The following PDZD8 variants were observed in gnomAD, a reference collection of about 807,000 sequenced individuals.
The protein encoded by PDZD8 is PDZ domain-containing protein 8.
In PDZD8, 14 loss-of-function variants were observed where a neutral mutation model predicts 85.8. That is an observed-to-expected ratio of 0.16 (90% CI 0.11 to 0.26). PDZD8 has a LOEUF of 0.26. Among genes scored for constraint, PDZD8 ranks in the 10% least tolerant of loss-of-function variants. The pLI is 1.00. For missense variants in PDZD8, 1,197 were observed against 1,424.3 expected (o/e 0.84, Z 2.57); for synonymous variants, 592 against 568.6 (o/e 1.04, Z -0.59).
chr10:117,307,320 G>C (rs940220233), intron 3 of PDZD8, among the ~76,000 whole-genome samples: 2 of 151,922 alleles, frequency 1.3e-5, no homozygotes, highest in Admixed American at 1.3e-4. Flanking sequence ...GGTTGATTTT[G>C]TTAAAATATG....
intron 1 of PDZD8, among the ~76,000 whole-genome samples, chr10:117,343,536 G>A (rs1281617482): frequency 2.0e-5 from 3 of 148,984 alleles, no homozygotes; most frequent in Non-Finnish European, 4.5e-5. Flanking sequence ...CTGTTAGTTT[G>A]TAAAAAAATT....
rs142017657 is a variant in PDZD8 at position 117,349,363 on chromosome 10, A to C, written c.873-8261T>G. ...AAAAAATATTGCTTTGAATGGCACCAAGGTAACGAAACTGGAATATAGAGA... is the reference window on the plus strand; with the variant it reads ...AAAAAATATTGCTTTGAATGGCACCCAGGTAACGAAACTGGAATATAGAGA... On this transcript the variant is annotated intron_variant, in intron 1 of 4. Transcript: ENST00000334464. 2.9e-3 allele frequency among the ~76,000 whole-genome samples: 445 copies of C among 152,356 alleles called. 3 individuals carry two copies. The highest frequency in any genetic ancestry group is 0.01 in the African/African-American group (418 of 41,584).
intron 2 of PDZD8, among the ~76,000 whole-genome samples, chr10:117,336,967 T>C (rs1405800346): frequency 6.6e-6 from 1 of 151,928 alleles, no homozygotes; most frequent in African/African-American, 2.4e-5. Flanking sequence ...TGGGCGCCTG[T>C]AGTCCCAGCT....
intron 3 of PDZD8, among the ~76,000 whole-genome samples, chr10:117,313,196 C>G (rs1004089440): frequency 5.3e-5 from 8 of 152,146 alleles, no homozygotes; most frequent in Non-Finnish European, 1.0e-4. Context: ...ATGGTACCCA[C>G]TAGTCACATG....
At chr10:117,313,264 T>C (rs1014083101) in intron 3 of PDZD8, among the ~76,000 whole-genome samples, 2 of 152,284 alleles carry the variant, frequency 1.3e-5, no homozygotes, top group South Asian at 4.1e-4. Context: ...GTAAAATATA[T>C]ACCAGATTTC....
At chr10:117,343,239 G>C (rs1844646964) in intron 1 of PDZD8, among the ~76,000 whole-genome samples, 1 of 152,150 alleles carries the variant, frequency 6.6e-6, no homozygotes, top group Non-Finnish European at 1.5e-5. Context: ...GCTGTTTTAT[G>C]TTTTCCCAGT....
intron 1 of PDZD8, among the ~76,000 whole-genome samples, chr10:117,345,681 A>C (rs1844693177): frequency 6.6e-6 from 1 of 152,180 alleles, no homozygotes; most frequent in Non-Finnish European, 1.5e-5. Context: ...TACAGCAAAA[A>C]ACAAAGAAAA....
intron 4 of PDZD8, among the ~76,000 whole-genome samples, chr10:117,288,407 A>C (rs1305088484): frequency 6.6e-6 from 1 of 152,102 alleles, no homozygotes; most frequent in African/African-American, 2.4e-5. Flanking sequence ...CAAACAAAAA[A>C]ACAAAAAAAG....
rs1844593940 is a variant in PDZD8, at chr10:117,283,051, C to A, written c.*217G>T. On this transcript the variant is annotated 3_prime_UTR_variant, in exon 5 of 5. Transcript: ENST00000334464. ...AGTAAAAATAAATTCCCAGTATAAACCCAAAAAAGCATAGCTATAAATGCA... is the reference window on the plus strand; with the variant it reads ...AGTAAAAATAAATTCCCAGTATAAAACCAAAAAAGCATAGCTATAAATGCA... 4.3e-6 allele frequency: 2 copies of A among 467,500 alleles called. No homozygotes were observed. Among genetic ancestry groups the A allele is most frequent in the Non-Finnish European group, 7.4e-6 (2 of 269,090 alleles). The allele number at this position is 467,500 out of a possible 1,614,324, so 29.0% of individuals were successfully genotyped here.
chr10:117,302,106 AG>A (rs1254080469), intron 3 of PDZD8, among the ~76,000 whole-genome samples: 2 of 152,238 alleles, frequency 1.3e-5, no homozygotes, highest in African/African-American at 4.8e-5. Context: ...GAGCTTCTGA[AG>A]GGTCCTTCTG....
At chr10:117,373,783 A>C (rs905407264) in intron 1 of PDZD8, among the ~76,000 whole-genome samples, 1 of 91,062 alleles carries the variant, frequency 1.1e-5, no homozygotes, top group African/African-American at 5.8e-5. Flanking sequence ...CTGTCTCAAA[A>C]ACAAAAACAA....
chr10:117,327,223 A>G (rs1844333373), intron 2 of PDZD8, among the ~76,000 whole-genome samples: 1 of 152,176 alleles, frequency 6.6e-6, no homozygotes, highest in Non-Finnish European at 1.5e-5. Flanking sequence ...CTAATGCCCT[A>G]AGTTTTGGTC....
Position 117,277,337 on chromosome 10 carries a change from A to G in PDZD8, c.*5931T>C. The G allele has an allele frequency of 1.1e-6, 1 of 928,674 alleles. No individual in the cohort carries two copies. The highest frequency in any genetic ancestry group is 1.7e-6 in the Non-Finnish European group (1 of 593,534). 57.5% of individuals were successfully genotyped at this position (928,674 alleles called of 1,614,324 possible). ...GTGTTTCCAGTGACACAACTCATCC[A>G]GAACTGTCTTAGTCATACCATCCAT... is the stretch of plus-strand genomic sequence containing the variant. On this transcript the variant is annotated 3_prime_UTR_variant, in exon 5 of 5. Transcript: ENST00000334464.
At chr10:117,315,093 T>C (rs571016386) in intron 3 of PDZD8, among the ~76,000 whole-genome samples, 18 of 152,182 alleles carry the variant, frequency 1.2e-4, no homozygotes, top group Admixed American at 2.6e-4. Flanking sequence ...ATTCAGAGGT[T>C]CCAGAGCCCA....
chr10:117,350,143 T>C (rs777279472), intron 1 of PDZD8, among the ~76,000 whole-genome samples: 1 of 152,150 alleles, frequency 6.6e-6, no homozygotes, highest in Non-Finnish European at 1.5e-5. Context: ...ATTTTGCAGA[T>C]GAGGGAACTA....
intron 1 of PDZD8, among the ~76,000 whole-genome samples, chr10:117,355,624 C>CAAA (rs148016468): frequency 0.028 from 4,237 of 152,174 alleles, 216 homozygotes; most frequent in African/African-American, 0.099. Context: ...TCCTCAGAGG[C>CAAA]AAAAGGAGGA....
At chr10:117,335,503 G>C (rs1427027550) in intron 2 of PDZD8, among the ~76,000 whole-genome samples, 1 of 152,140 alleles carries the variant, frequency 6.6e-6, no homozygotes, top group Non-Finnish European at 1.5e-5. Context: ...CACCACTGAT[G>C]GTTTAATAAC....
chr10:117,302,717 C>G (rs753258522), intron 3 of PDZD8, among the ~76,000 whole-genome samples: 2 of 152,098 alleles, frequency 1.3e-5, no homozygotes, highest in African/African-American at 4.8e-5. Context: ...GGGAGGGACC[C>G]AGGGGGGCGT....
chr10:117,360,024 C>T (rs1844969205), intron 1 of PDZD8, among the ~76,000 whole-genome samples: 1 of 152,138 alleles, frequency 6.6e-6, no homozygotes. Flanking sequence ...TCCATATACC[C>T]TCTACCTAAT....
Sources: allele counts gnomAD v4.1 joint callset (sites outside exome capture counted in the v4.1 genomes callset), GRCh38; gene constraint gnomAD v4.1.1; transcripts MANE v1.5; gene names NCBI Gene and HGNC (gene_info 2026-07-23, HGNC 2026-07-21).